NRXN3: variants seen among roughly 807,000 people sequenced by gnomAD.
NRXN3 encodes neurexin III.
A neutral mutation model predicts 137.6 loss-of-function variants in NRXN3; 32 were observed. The ratio of observed to expected loss-of-function variants is 0.23; its 90% CI spans 0.18 to 0.31. NRXN3 has a LOEUF of 0.31. NRXN3 is among the 10% of genes least tolerant of loss of function. NRXN3 has a pLI of 1.00. For missense variants in NRXN3, 1,574 were observed against 2,062.5 expected (o/e 0.76, Z 4.59); for synonymous variants, 798 against 784.5 (o/e 1.02, Z -0.29).
At position 78,880,157 on chromosome 14, in the gene NRXN3, A is replaced by G. The variant is rs955621414; in HGVS notation, c.2275+69813A>G. Among the ~76,000 whole-genome samples, 191 of 137,950 alleles carry G rather than the reference A, an allele frequency of 1.4e-3. 6 individuals are homozygous for G. The highest frequency in any genetic ancestry group is 4.1e-3 in the African/African-American group (130 of 31,748). The allele number at this position is 137,950 out of a possible 152,430, so 90.5% of individuals were successfully genotyped here. The stretch of plus-strand genomic sequence containing the variant: ...TGGGAGGCTGAGGCAGGAGAATGGC[A>G]TGAACCCGGGAGGCGGAGCTTGCAG... On this transcript the variant is annotated intron_variant, in intron 10 of 20. Coordinates refer to ENST00000335750, the MANE Select transcript of NRXN3 (RefSeq NM_001330195.2).
At chr14:79,736,056 C>T (rs1329646303) in intron 19 of NRXN3, among the ~76,000 whole-genome samples, 1 of 152,178 alleles carries the variant, frequency 6.6e-6, no homozygotes, top group African/African-American at 2.4e-5. Context: ...TTACTGATGG[C>T]ATCACCACTT....
chr14:79,858,219 T>C (rs1273017993), intron 20 of NRXN3, among the ~76,000 whole-genome samples: 1 of 151,888 alleles, frequency 6.6e-6, no homozygotes, highest in Non-Finnish European at 1.5e-5. Flanking sequence ...AGTAAAGTAA[T>C]TCAACTGCAG....
intron 16 of NRXN3, among the ~76,000 whole-genome samples, chr14:79,516,319 C>T (rs1012524593): frequency 6.6e-6 from 1 of 152,094 alleles, no homozygotes; most frequent in Non-Finnish European, 1.5e-5. Context: ...TGCCTGTTTT[C>T]CAGGTGACCT....
In NRXN3 at chr14:78,892,636, T is replaced by G. The variant is rs143691058; in HGVS notation, c.2276-64606T>G. ...GAACTTGATGGTTGTAAATCAGTCT[T>G]TTCTTCCTCATTAAAATCACTTCAC... is the stretch of plus-strand genomic sequence containing the variant. On this transcript the variant is annotated intron_variant, in intron 10 of 20. Coordinates refer to ENST00000335750, the MANE Select transcript of NRXN3 (RefSeq NM_001330195.2). 5.7e-4 allele frequency among the ~76,000 whole-genome samples: 86 copies of G among 151,350 alleles called. No homozygotes were observed. In the East Asian group the frequency reaches 8.9e-3, roughly 16 times the overall value.
intron 10 of NRXN3, among the ~76,000 whole-genome samples, chr14:78,887,858 A>C (rs906067792): frequency 6.6e-5 from 10 of 152,036 alleles, no homozygotes; most frequent in African/African-American, 1.2e-4. Context: ...GAAACTGAAA[A>C]CAGCATCTCA....
intron 6 of NRXN3, among the ~76,000 whole-genome samples, chr14:78,653,591 A>G (rs1406806894): frequency 6.6e-6 from 1 of 152,192 alleles, no homozygotes; most frequent in African/African-American, 2.4e-5. Context: ...CAATTTCCCA[A>G]CCATGAATCT....
intron 15 of NRXN3, among the ~76,000 whole-genome samples, chr14:78,994,333 G>T (rs2099525376): frequency 6.6e-6 from 1 of 152,136 alleles, no homozygotes; most frequent in Non-Finnish European, 1.5e-5. Context: ...CATTCTGTTT[G>T]ACATTTTTGC....
At chr14:79,502,379 C>T (rs769805375) in intron 16 of NRXN3, among the ~76,000 whole-genome samples, 3 of 152,110 alleles carry the variant, frequency 2.0e-5, no homozygotes, top group Non-Finnish European at 4.4e-5. Flanking sequence ...TGAGCCTGCT[C>T]TGCATTGAGG....
At chr14:78,182,635 A>AG (rs1555392499) in intron 1 of NRXN3, among the ~76,000 whole-genome samples, 2 of 151,688 alleles carry the variant, frequency 1.3e-5, no homozygotes, top group Non-Finnish European at 2.9e-5. Flanking sequence ...AGCCCAGCTG[A>AG]TTTTTTTGTA....
At chr14:79,770,854 T>C (rs934323838) in intron 19 of NRXN3, among the ~76,000 whole-genome samples, 4 of 151,484 alleles carry the variant, frequency 2.6e-5, no homozygotes, top group African/African-American at 9.7e-5. Context: ...TTTGAAAGGA[T>C]CAACAAAATT....
intron 16 of NRXN3, among the ~76,000 whole-genome samples, chr14:79,482,127 C>T (rs1336597344): frequency 6.6e-6 from 1 of 152,212 alleles, no homozygotes; most frequent in Non-Finnish European, 1.5e-5. Flanking sequence ...AGGTGTCTCT[C>T]ATCCTCTTAA....
chr14:79,369,841 G>A (rs1175764441), intron 15 of NRXN3, among the ~76,000 whole-genome samples: 1 of 152,186 alleles, frequency 6.6e-6, no homozygotes, highest in East Asian at 1.9e-4. Flanking sequence ...GAGCAGGGCT[G>A]ATAATGTACG....
chr14:79,325,126 T>C (rs1354272559), intron 15 of NRXN3, among the ~76,000 whole-genome samples: 2 of 152,234 alleles, frequency 1.3e-5, no homozygotes, highest in African/African-American at 4.8e-5. Context: ...TACTTTTCTT[T>C]TTTTTCTGGT....
intron 6 of NRXN3, among the ~76,000 whole-genome samples, chr14:78,684,383 C>G (rs146514184): frequency 3.3e-5 from 5 of 152,154 alleles, no homozygotes; most frequent in African/African-American, 1.2e-4. Flanking sequence ...CTAAATTAGA[C>G]GCTTGAAAGC....
At chr14:79,756,478 C>G (rs185242152) in intron 19 of NRXN3, among the ~76,000 whole-genome samples, 2,734 of 152,188 alleles carry the variant, frequency 0.018, 54 homozygotes, top group Non-Finnish European at 0.026. Context: ...GGATATGAAA[C>G]TTAACTTGTC....
At chr14:79,224,009 A>G (rs966769811) in intron 15 of NRXN3, among the ~76,000 whole-genome samples, 5 of 152,126 alleles carry the variant, frequency 3.3e-5, no homozygotes. Context: ...TCTCAGGTGG[A>G]AAAAAGAAAG....
At chr14:79,151,588 A>G (rs2059804531) in intron 15 of NRXN3, among the ~76,000 whole-genome samples, 1 of 152,042 alleles carries the variant, frequency 6.6e-6, no homozygotes, top group African/African-American at 2.4e-5. Flanking sequence ...AGGAGCTGAG[A>G]TAAAAGAAAG....
At chr14:78,188,186 A>C (rs554362211) in intron 1 of NRXN3, among the ~76,000 whole-genome samples, 1 of 151,740 alleles carries the variant, frequency 6.6e-6, no homozygotes. Context: ...TTTTTCCCCT[A>C]TAGGATACTT....
At chr14:79,587,498 G>C (rs966975811) in intron 16 of NRXN3, among the ~76,000 whole-genome samples, 2 of 152,172 alleles carry the variant, frequency 1.3e-5, no homozygotes, top group African/African-American at 4.8e-5. Context: ...ATGTGTTAAA[G>C]TTAGATGGCA....
Sources: gnomAD v4.1 joint callset for allele counts (sites outside exome capture counted in the v4.1 genomes callset) on GRCh38, gnomAD v4.1.1 for gene constraint, MANE v1.5 for transcripts, NCBI Gene and HGNC (gene_info 2026-07-23, HGNC 2026-07-21) for gene names.